B4GALT6: variants seen among roughly 807,000 people sequenced by gnomAD.
The protein encoded by B4GALT6 is beta-1,4-galactosyltransferase 6.
Under a neutral mutation model 46.3 loss-of-function variants are expected in B4GALT6, and 14 were observed. That is an observed-to-expected ratio of 0.30 (90% CI 0.20 to 0.47). B4GALT6 has a LOEUF of 0.47. B4GALT6 is among the 20% of genes least tolerant of loss of function. The pLI, the probability that B4GALT6 is intolerant of heterozygous loss-of-function variation, is 0.99. For missense variants in B4GALT6, 386 were observed against 480.1 expected, an observed-to-expected ratio of 0.80 and a Z score of 1.83; for synonymous variants, 168 against 162.0, an observed-to-expected ratio of 1.04 and a Z score of -0.28.
chr18:31,716,081 C>T, the B4GALT6 span, among the ~76,000 whole-genome samples: 136 of 152,200 alleles, frequency 8.9e-4, 1 homozygote, highest in African/African-American at 3.2e-3. Context: ...TCTGGGTTCC[C>T]ATTTCAATAT....
upstream of B4GALT6, chr18:31,685,859 A>AACAGTGTC (rs2029897387): frequency 6.6e-6 from 1 of 152,242 alleles, no homozygotes; most frequent in African/African-American, 2.4e-5. Flanking sequence ...TTCCTGTGGA[A>AACAGTGTC]ACAGTGTCAG....
rs2073641051 is a variant in B4GALT6 at position 31,623,266 on chromosome 18, A to G, written c.*2348T>C. 6.6e-6 allele frequency: 1 copy of G among 152,242 alleles called. No individual in the cohort carries two copies. The highest frequency in any genetic ancestry group is 2.4e-5 in the African/African-American group (1 of 41,456). 9.4% of individuals were successfully genotyped at this position (152,242 alleles called of 1,614,324 possible). On this transcript the variant is annotated 3_prime_UTR_variant, in exon 9 of 9. Coordinates refer to ENST00000306851, the MANE Select transcript of B4GALT6 (RefSeq NM_004775.5). ...CTGTCACTCTCACAGAAACATATTA[A>G]GTTCACTGTTTATAGGCAAAAATAA...
At chr18:31,684,771 G>A (rs1000751679), upstream of B4GALT6, 2 of 1,078,244 alleles carry the variant, frequency 1.9e-6, no homozygotes, top group Non-Finnish European at 2.3e-6. Flanking sequence ...GGCGGGAGGA[G>A]GGGCTGCAGG....
chr18:31,712,355 T>G, the B4GALT6 span, among the ~76,000 whole-genome samples: 3 of 134,738 alleles, frequency 2.2e-5, no homozygotes, highest in South Asian at 7.1e-4. Flanking sequence ...CAGGCTGGAG[T>G]GCAGTGGCGT....
At chr18:31,694,594 C>T in the B4GALT6 span, among the ~76,000 whole-genome samples, 3,504 of 152,248 alleles carry the variant, frequency 0.023, 47 homozygotes, top group South Asian at 0.045. Flanking sequence ...CTATAAAGAA[C>T]GAAAAGTGCC....
At chr18:31,625,955 T>C (rs1219527850) in intron 8 of B4GALT6, among the ~76,000 whole-genome samples, 194 bp from the exon 9 acceptor site, 1 of 152,182 alleles carries the variant, frequency 6.6e-6, no homozygotes, top group African/African-American at 2.4e-5. Context: ...AAATGCCACC[T>C]GAAAAAATTA....
chr18:31,719,187 G>T, the B4GALT6 span: 1 of 152,178 alleles, frequency 6.6e-6, no homozygotes, highest in Non-Finnish European at 1.5e-5. Context: ...ATTCCAATCG[G>T]TATATCAAGA....
chr18:31,657,541 T>C lies in B4GALT6; in HGVS notation c.346+435A>G, dbSNP rs940385149. Among the ~76,000 whole-genome samples, 8 of 152,130 alleles carry C rather than the reference T, an allele frequency of 5.3e-5. No individual in the cohort carries two copies. The South Asian group carries it at 1.4e-3, about 28-fold the overall frequency. On this transcript the variant is annotated intron_variant, in intron 3 of 8. Transcript: ENST00000306851. ...GAAAGAATACTCAGCAAACTCTCAGTAGAGGTGAGGTTACTTCTGAGGAAG... is the reference window on the plus strand; with the variant it reads ...GAAAGAATACTCAGCAAACTCTCAGCAGAGGTGAGGTTACTTCTGAGGAAG...
At chr18:31,664,517 G>A (rs1423344895) in intron 2 of B4GALT6, among the ~76,000 whole-genome samples, 2 of 147,642 alleles carry the variant, frequency 1.4e-5, no homozygotes, top group African/African-American at 2.6e-5. Context: ...GTGAGAGGAG[G>A]AAAGGATTTT....
rs772924057 is a variant in B4GALT6, at chr18:31,627,136, C to T, written c.777-15G>A. On this transcript the variant is annotated splice_polypyrimidine_tract_variant and intron_variant, in intron 6 of 8. Coordinates refer to ENST00000306851, the MANE Select transcript of B4GALT6 (RefSeq NM_004775.5). ...TATATGGAAGACTAGAAAAGAAAGA[C>T]ACAGTATTCTAAAAATAAAATCATA... 3.2e-6 allele frequency: 5 copies of T among 1,578,154 alleles called. No individual in the cohort carries two copies. The highest frequency in any genetic ancestry group is 4.3e-6 in the Non-Finnish European group (5 of 1,166,788).
the B4GALT6 span, among the ~76,000 whole-genome samples, chr18:31,709,603 G>GTGTGTGTGTA: frequency 2.3e-4 from 31 of 135,520 alleles, no homozygotes; most frequent in African/African-American, 7.6e-4. Flanking sequence ...GTGTGTGTGT[G>GTGTGTGTGTA]TATATATATA....
the B4GALT6 span, among the ~76,000 whole-genome samples, chr18:31,718,402 G>C: frequency 6.6e-6 from 1 of 152,208 alleles, no homozygotes; most frequent in African/African-American, 2.4e-5. Context: ...ATGCAAGATA[G>C]GGCCTGTTTA....
chr18:31,639,525 C>T (rs2144553864), intron 4 of B4GALT6, among the ~76,000 whole-genome samples: 1 of 152,174 alleles, frequency 6.6e-6, no homozygotes, highest in East Asian at 1.9e-4. Flanking sequence ...ATATATTTTT[C>T]ATTTAGTCAA....
At chr18:31,674,949 T>A (rs191426871) in intron 1 of B4GALT6, among the ~76,000 whole-genome samples, 304 of 152,310 alleles carry the variant, frequency 2.0e-3, no homozygotes, top group African/African-American at 7.0e-3. Flanking sequence ...GCAGTGCAAA[T>A]TATTACTAAC....
chr18:31,697,541 T>TA, the B4GALT6 span, among the ~76,000 whole-genome samples: 1 of 152,212 alleles, frequency 6.6e-6, no homozygotes, highest in African/African-American at 2.4e-5. Flanking sequence ...TACTTATTGT[T>TA]ACTTGTGTGT....
the B4GALT6 span, among the ~76,000 whole-genome samples, chr18:31,715,988 A>C: frequency 6.6e-6 from 1 of 152,170 alleles, no homozygotes; most frequent in Non-Finnish European, 1.5e-5. Flanking sequence ...TTACCTTGTC[A>C]ATGAGAAAAC....
At chr18:31,669,330 T>C (rs945079310) in intron 1 of B4GALT6, among the ~76,000 whole-genome samples, 1 of 152,336 alleles carries the variant, frequency 6.6e-6, no homozygotes, top group South Asian at 2.1e-4. Context: ...GCAGGGGCCA[T>C]GTTAATCTCT....
the B4GALT6 span, chr18:31,724,640 CTGAA>C: frequency 9.6e-7 from 1 of 1,038,716 alleles, no homozygotes; most frequent in Non-Finnish European, 1.2e-6. Context: ...ACACTGGGAT[CTGAA>C]TGACAAGCTG....
rs368631936 is a variant in B4GALT6, at chr18:31,684,282, G to A, written c.115+30C>T. The A allele has an allele frequency of 3.7e-4, 590 of 1,612,274 alleles. 7 individuals carry two copies. In the South Asian group the frequency reaches 5.6e-3, roughly 15 times the overall value. On this transcript the variant is annotated intron_variant, in intron 1 of 8. Coordinates refer to ENST00000306851, the MANE Select transcript of B4GALT6 (RefSeq NM_004775.5). ...GCCTGCGCTGGCTGTGGTGTGACCA[G>A]GGGAAGCGAGGGTGTGTCTCGGTGC...
Sources: allele counts gnomAD v4.1 joint callset (sites outside exome capture counted in the v4.1 genomes callset), GRCh38; gene constraint gnomAD v4.1.1; transcripts MANE v1.5; gene names NCBI Gene and HGNC (gene_info 2026-07-23, HGNC 2026-07-21).